Variants in PIP5K1B observed in about 807,000 individuals in gnomAD.
PIP5K1B encodes the protein phosphatidylinositol 4-phosphate 5-kinase type-1 beta.
Under a neutral mutation model 67.0 loss-of-function variants are expected in PIP5K1B, and 42 were observed. The ratio of observed to expected loss-of-function variants is 0.63; its 90% CI spans 0.49 to 0.81. PIP5K1B has a LOEUF of 0.81. PIP5K1B is among the 30% of genes least tolerant of loss of function. The pLI is 0.00. For synonymous variants in PIP5K1B, 214 were observed against 231.4 expected (o/e 0.92, Z 0.68); for missense variants, 459 against 646.3 (o/e 0.71, Z 3.14).
chr9:68,945,970 A>T (rs905536784), intron 14 of PIP5K1B, among the ~76,000 whole-genome samples: 2 of 152,360 alleles, frequency 1.3e-5, no homozygotes, highest in South Asian at 2.1e-4. Flanking sequence ...CACTTTAAAA[A>T]TTTAACATTA....
At chr9:68,718,639 G>T (rs1827739935) in intron 1 of PIP5K1B, among the ~76,000 whole-genome samples, 1 of 152,146 alleles carries the variant, frequency 6.6e-6, no homozygotes, top group Non-Finnish European at 1.5e-5. Context: ...TTATGGCCAA[G>T]TTTTGTATAG....
Position 69,007,797 on chromosome 9 carries a change from C to T in PIP5K1B, c.1621-650C>T, listed in dbSNP as rs565676622. Among the ~76,000 whole-genome samples, 138 of 151,548 alleles carry T rather than the reference C, an allele frequency of 9.1e-4. 1 individual carries two copies. Among genetic ancestry groups the T allele is most frequent in the Non-Finnish European group, 4.9e-4 (33 of 67,936 alleles). The stretch of plus-strand genomic sequence containing the variant: ...TCATGTACGTGGGAGGCAGAGGTTG[C>T]GGTGAGCTGAGATCTTGCCACTGCA... On this transcript the variant is annotated intron_variant, in intron 15 of 15. Transcript: ENST00000265382.
chr9:68,976,677 T>A (rs1829644076), intron 14 of PIP5K1B, among the ~76,000 whole-genome samples: 1 of 152,234 alleles, frequency 6.6e-6, no homozygotes, highest in Non-Finnish European at 1.5e-5. Flanking sequence ...ATGAAACTGT[T>A]CTGCCTCAGA....
Position 68,941,464 on chromosome 9 carries a change from C to T in PIP5K1B, c.1502+674C>T, listed in dbSNP as rs76212553. ...GATATGATTATTATTCATTGCATGCCTGTAATCAAAATATCTCATGTAACC... is the reference window on the plus strand; with the variant it reads ...GATATGATTATTATTCATTGCATGCTTGTAATCAAAATATCTCATGTAACC... On this transcript the variant is annotated intron_variant, in intron 14 of 15. Coordinates refer to ENST00000265382, the MANE Select transcript of PIP5K1B (RefSeq NM_003558.4). Among the ~76,000 whole-genome samples the T allele has an allele frequency of 3.0e-3, 461 of 152,242 alleles. 1 individual carries two copies. Among genetic ancestry groups the T allele is most frequent in the Non-Finnish European group, 5.5e-3 (371 of 68,018 alleles).
At chr9:68,980,080 G>C (rs895421676) in intron 14 of PIP5K1B, among the ~76,000 whole-genome samples, 1 of 152,180 alleles carries the variant, frequency 6.6e-6, no homozygotes, top group African/African-American at 2.4e-5. Flanking sequence ...TGAAGGAGCC[G>C]CTCTGTCCTG....
In PIP5K1B at chr9:68,735,755, G is replaced by A. The variant is rs536238708; in HGVS notation, c.-242-6746G>A. ...GAGAAAGGTAAAGCAGGATAAGGGA[G>A]TAGGGGGTTCTGAGGTGGAATGATG... On this transcript the variant is annotated intron_variant, in intron 1 of 15. Coordinates refer to ENST00000265382, the MANE Select transcript of PIP5K1B (RefSeq NM_003558.4). Among the ~76,000 whole-genome samples the A allele has an allele frequency of 5.3e-5, 8 of 152,320 alleles. No homozygotes were observed. The South Asian group carries it at 1.5e-3, about 28-fold the overall frequency.
chr9:68,992,155 G>A lies in PIP5K1B; in HGVS notation c.1620+898G>A, dbSNP rs920740238. ...TAATTTTGTATTTTTAGTAGAGACG[G>A]GGTTTCCATGTTGGTCAGGCTGGTC... On this transcript the variant is annotated intron_variant, in intron 15 of 15. Transcript: ENST00000265382. Among the ~76,000 whole-genome samples, 154 of 149,276 alleles carry A rather than the reference G, an allele frequency of 1.0e-3. 1 individual carries two copies. The highest frequency in any genetic ancestry group is 3.5e-3 in the African/African-American group (140 of 40,360).
At chr9:68,718,021 C>T (rs1352028686) in intron 1 of PIP5K1B, among the ~76,000 whole-genome samples, 1 of 152,142 alleles carries the variant, frequency 6.6e-6, no homozygotes, top group Non-Finnish European at 1.5e-5. Context: ...GTGCAATCTG[C>T]CATCCCCCTG....
At chr9:68,840,598 A>G (rs1003884003) in intron 4 of PIP5K1B, among the ~76,000 whole-genome samples, 2 of 152,140 alleles carry the variant, frequency 1.3e-5, no homozygotes, top group Non-Finnish European at 2.9e-5. Context: ...CACAGGGGCC[A>G]CTTACATTTC....
intron 12 of PIP5K1B, among the ~76,000 whole-genome samples, chr9:68,933,099 CA>C (rs200948074): frequency 0.015 from 1,473 of 97,926 alleles, 4 homozygotes; most frequent in African/African-American, 0.024. Context: ...AACTCCGTCT[CA>C]AAAAAAAAAA....
chr9:68,954,328 G>A (rs776309707), intron 14 of PIP5K1B, among the ~76,000 whole-genome samples: 2 of 152,204 alleles, frequency 1.3e-5, no homozygotes, highest in Non-Finnish European at 2.9e-5. Context: ...GTAGAGGGTT[G>A]AGCGTGTCTG....
intron 4 of PIP5K1B, among the ~76,000 whole-genome samples, chr9:68,827,001 C>A (rs1173750488): frequency 1.3e-5 from 2 of 152,226 alleles, no homozygotes; most frequent in African/African-American, 4.8e-5. Context: ...ATCGACCCAC[C>A]TCGGCCTCCC....
intron 13 of PIP5K1B, among the ~76,000 whole-genome samples, chr9:68,938,491 C>G (rs996036783): frequency 2.6e-5 from 4 of 152,018 alleles, no homozygotes; most frequent in African/African-American, 9.7e-5. Flanking sequence ...CTATGTGAGT[C>G]TGCACATGAG....
At chr9:68,906,689 G>A (rs142208617) in intron 8 of PIP5K1B, among the ~76,000 whole-genome samples, 38 of 152,242 alleles carry the variant, frequency 2.5e-4, no homozygotes, top group African/African-American at 3.4e-4. Context: ...TCTACATCTC[G>A]TTAACTTCCT....
chr9:68,927,573 G>T (rs1826779532), intron 12 of PIP5K1B, among the ~76,000 whole-genome samples: 1 of 152,038 alleles, frequency 6.6e-6, no homozygotes, highest in Non-Finnish European at 1.5e-5. Context: ...ATCTTCTTTG[G>T]AGAAATGCTC....
chr9:68,722,561 T>C (rs911561633), intron 1 of PIP5K1B, among the ~76,000 whole-genome samples: 6 of 152,000 alleles, frequency 3.9e-5, no homozygotes, highest in Non-Finnish European at 7.4e-5. Context: ...ACTTTTTTTT[T>C]CCCTTTTTCC....
chr9:68,974,553 C>G (rs140528361), intron 14 of PIP5K1B, among the ~76,000 whole-genome samples: 1 of 152,182 alleles, frequency 6.6e-6, no homozygotes, highest in South Asian at 2.1e-4. Flanking sequence ...AAACTGCTTA[C>G]GTTCCTAGTG....
chr9:68,723,418 C>T (rs577723217), intron 1 of PIP5K1B, among the ~76,000 whole-genome samples: 2 of 151,166 alleles, frequency 1.3e-5, no homozygotes, highest in Non-Finnish European at 2.9e-5. Flanking sequence ...GAACTTACAT[C>T]GTTTTCCGTA....
intron 15 of PIP5K1B, among the ~76,000 whole-genome samples, chr9:68,997,197 A>G (rs1830635458): frequency 6.6e-6 from 1 of 152,210 alleles, no homozygotes; most frequent in Non-Finnish European, 1.5e-5. Context: ...TTATGTATGG[A>G]AAAAGCGTGA....
Sources: allele counts gnomAD v4.1 joint callset (sites outside exome capture counted in the v4.1 genomes callset), GRCh38; gene constraint gnomAD v4.1.1; transcripts MANE v1.5; gene names NCBI Gene and HGNC (gene_info 2026-07-23, HGNC 2026-07-21).